The following KCNA6 variants were observed in gnomAD, a reference collection of about 807,000 sequenced individuals.
The protein encoded by KCNA6 is human brain potassium channel-2.
A neutral mutation model predicts 29.5 loss-of-function variants in KCNA6; 17 were observed. That is an observed-to-expected ratio of 0.58 (90% confidence interval 0.39 to 0.86). The LOEUF (loss-of-function observed/expected upper bound fraction) is 0.86, where lower values mean the gene tolerates loss of function less well. Ranked by LOEUF, KCNA6 falls within the 40% of genes least tolerant of loss-of-function variation. KCNA6 has a pLI of 0.00. For missense variants in KCNA6, 450 were observed against 703.4 expected (o/e 0.64, Z 4.07); for synonymous variants, 296 against 304.7 (o/e 0.97, Z 0.30).
the KCNA6 span, among the ~76,000 whole-genome samples, chr12:4,841,874 A>G: frequency 6.6e-6 from 1 of 152,212 alleles, no homozygotes; most frequent in Non-Finnish European, 1.5e-5. Flanking sequence ...AAAGCAATAC[A>G]TACTGGTTAT....
exon 1 of KCNA6, chr12:4,812,830 T>A (rs539239568): frequency 1.0e-4 from 17 of 167,066 alleles, no homozygotes; most frequent in African/African-American, 3.6e-4. Context: ...TTTTGCTGAG[T>A]CAAGCAAACA....
At chr12:4,813,150 C>T (rs566541315) in exon 1 of KCNA6, 34 of 166,500 alleles carry the variant, frequency 2.0e-4, no homozygotes, top group African/African-American at 7.5e-4. Flanking sequence ...ATTATTCTCT[C>T]GAAGAGCAAC....
chr12:4,849,459 C>T, the KCNA6 span, among the ~76,000 whole-genome samples: 1 of 149,744 alleles, frequency 6.7e-6, no homozygotes, highest in Non-Finnish European at 1.5e-5. Context: ...CACCTGATGG[C>T]CACTGGAATT....
chr12:4,828,050 C>A, the KCNA6 span, among the ~76,000 whole-genome samples: 1 of 152,196 alleles, frequency 6.6e-6, no homozygotes, highest in Non-Finnish European at 1.5e-5. Context: ...AACCCCCCCA[C>A]CAGAGACACT....
the KCNA6 span, among the ~76,000 whole-genome samples, chr12:4,823,548 C>T: frequency 6.6e-6 from 1 of 152,042 alleles, no homozygotes; most frequent in East Asian, 1.9e-4. Context: ...GGGCGAATCA[C>T]TTGAGGTCAG....
chr12:4,829,490 G>C, the KCNA6 span, among the ~76,000 whole-genome samples: 5 of 152,138 alleles, frequency 3.3e-5, no homozygotes, highest in African/African-American at 4.8e-5. Context: ...CAGAAGATCT[G>C]GGAGAAGCCT....
chr12:4,836,408 G>A, the KCNA6 span, among the ~76,000 whole-genome samples: 1 of 152,166 alleles, frequency 6.6e-6, no homozygotes, highest in Non-Finnish European at 1.5e-5. Flanking sequence ...GGCACTGGAG[G>A]GGGTCAGGGA....
exon 1 of KCNA6, chr12:4,809,455 G>C (rs1238171118): frequency 2.0e-5 from 3 of 151,922 alleles, no homozygotes; most frequent in South Asian, 2.1e-4. Context: ...CCTGCGGCGC[G>C]GCTCCTAGGG....
the KCNA6 span, among the ~76,000 whole-genome samples, chr12:4,827,768 T>C: frequency 6.6e-6 from 1 of 152,214 alleles, no homozygotes; most frequent in Non-Finnish European, 1.5e-5. Context: ...GGCTTAGCCC[T>C]GCACAGCTCC....
chr12:4,841,029 G>C, the KCNA6 span, among the ~76,000 whole-genome samples: 14 of 152,256 alleles, frequency 9.2e-5, no homozygotes, highest in East Asian at 2.7e-3. Context: ...TGATAAGCAG[G>C]AAGAAAAAGA....
At chr12:4,819,058 A>T in the KCNA6 span, among the ~76,000 whole-genome samples, 8 of 152,106 alleles carry the variant, frequency 5.3e-5, no homozygotes, top group Non-Finnish European at 7.4e-5. Context: ...ACACACAAAC[A>T]TATACACACG....
exon 1 of KCNA6, chr12:4,809,800 C>G (rs1332425520): frequency 4.3e-6 from 2 of 461,694 alleles, no homozygotes; most frequent in Non-Finnish European, 7.5e-6. Flanking sequence ...AGCACCCGGG[C>G]GCGGGTAACG....
chr12:4,825,891 G>A, the KCNA6 span, among the ~76,000 whole-genome samples: 5 of 152,190 alleles, frequency 3.3e-5, no homozygotes, highest in African/African-American at 4.8e-5. Context: ...TCCTATGCAC[G>A]TTGTTAACCA....
chr12:4,812,141 G>T, exon 1 of KCNA6: 1 of 171,654 alleles, frequency 5.8e-6, no homozygotes, highest in South Asian at 2.0e-4. Flanking sequence ...ACAATCACTG[G>T]TCCTCCTGCA....
At chr12:4,817,299 C>G (rs1404988433), downstream of KCNA6, among the ~76,000 whole-genome samples, 1 of 152,190 alleles carries the variant, frequency 6.6e-6, no homozygotes. Flanking sequence ...TGGCAGTTGG[C>G]AGGGAGAGGG....
the KCNA6 span, chr12:4,850,951 T>A: frequency 5.4e-6 from 2 of 371,128 alleles, no homozygotes; most frequent in Non-Finnish European, 1.1e-5. The surrounding 1 kb of genome is among the most constrained non-coding windows in gnomAD (Gnocchi z 5.4). Flanking sequence ...CCCAGAATGT[T>A]GGGGTGAAGC....
chr12:4,812,647 A>C (rs1393687348), exon 1 of KCNA6: 1 of 167,104 alleles, frequency 6.0e-6, no homozygotes, highest in Admixed American at 6.5e-5. Context: ...AGTTTGATTT[A>C]GGATTGCTGT....
chr12:4,840,555 C>T, the KCNA6 span, among the ~76,000 whole-genome samples: 27 of 152,152 alleles, frequency 1.8e-4, no homozygotes, highest in Non-Finnish European at 2.8e-4. Context: ...GACAAATCTG[C>T]GGGAAGTAGA....
chr12:4,811,659 G>C lies in KCNA6; in HGVS notation c.*28G>C, dbSNP rs1164115574. ...CATGCAGGCAGGGCCTGCAGGAGGG[G>C]AGCACTGAGCTAACAGTCTCTTAGG... On this transcript the variant is annotated 3_prime_UTR_variant, in exon 1 of 1. Transcript: ENST00000280684. This position sits in a 1 kb window ranked among gnomAD's most constrained non-coding sequence, Gnocchi z 7.1. The C allele has an allele frequency of 6.3e-7, 1 of 1,593,012 alleles. No homozygotes were observed. The highest frequency in any genetic ancestry group is 8.6e-7 in the Non-Finnish European group (1 of 1,168,958).
Sources: gnomAD v4.1 joint callset for allele counts (sites outside exome capture counted in the v4.1 genomes callset) on GRCh38, gnomAD v4.1.1 for gene constraint, Gnocchi (gnomAD v3.1) non-coding constraint, MANE v1.5 for transcripts, NCBI Gene and HGNC (gene_info 2026-07-23, HGNC 2026-07-21) for gene names.